Variants in ABHD12B observed in about 807,000 individuals in gnomAD.
ABHD12B encodes the protein protein ABHD12B.
ABHD12B carries 42 observed loss-of-function variants against 50.4 expected under a neutral mutation model. The observed-to-expected ratio is 0.83, with a 90% CI of 0.65 to 1.08. ABHD12B has a LOEUF of 1.08. ABHD12B is among the 50% of genes least tolerant of loss of function. The pLI is 0.00. For synonymous variants in ABHD12B, 167 were observed against 160.3 expected (o/e 1.04, Z -0.32); for missense variants, 479 against 447.7 (o/e 1.07, Z -0.63).
intron 9 of ABHD12B, among the ~76,000 whole-genome samples, chr14:50,897,552 C>T (rs923970166): frequency 1.3e-5 from 2 of 152,098 alleles, no homozygotes; most frequent in African/African-American, 4.8e-5. Flanking sequence ...CTCAACAGGA[C>T]ATAAATAGGA....
intron 8 of ABHD12B, 62 bp downstream of exon 8, chr14:50,886,746 A>C: frequency 1.4e-6 from 2 of 1,464,304 alleles, no homozygotes; most frequent in Non-Finnish European, 1.9e-6. Context: ...AAAAACAGTC[A>C]AGAGACTATT....
At chr14:50,885,580 T>C in intron 5 of ABHD12B, 34 bp from the exon 6 acceptor site, 1 of 1,613,682 alleles carries the variant, frequency 6.2e-7, no homozygotes, top group Non-Finnish European at 8.5e-7. Context: ...TTTCATCTTC[T>C]AATTAAAGTG....
At chr14:50,874,926 C>G (rs2049840583) in intron 1 of ABHD12B, among the ~76,000 whole-genome samples, 3 of 152,252 alleles carry the variant, frequency 2.0e-5, no homozygotes, top group African/African-American at 2.4e-5. Context: ...TTCCTCTTTC[C>G]TCTGAAGCTA....
chr14:50,873,011 T>A (rs1211685481), intron 1 of ABHD12B, among the ~76,000 whole-genome samples: 3 of 152,202 alleles, frequency 2.0e-5, no homozygotes, highest in Non-Finnish European at 4.4e-5. Context: ...CAGGTATTGG[T>A]TGGAGATCGT....
chr14:50,873,922 G>A (rs1482093027), intron 1 of ABHD12B, among the ~76,000 whole-genome samples: 2 of 152,196 alleles, frequency 1.3e-5, no homozygotes, highest in African/African-American at 4.8e-5. Context: ...AGTCTCAAGA[G>A]ACACTTCCTG....
Position 50,904,662 on chromosome 14 carries a change from A to C in ABHD12B, c.*296A>C. On this transcript the variant is annotated 3_prime_UTR_variant, in exon 13 of 13. Coordinates refer to ENST00000337334, the MANE Select transcript of ABHD12B (RefSeq NM_001206673.2). ...TATGTAGTTATTAAACATTCTGTGG[A>C]TATTTGTGAATAAGGTAGTTGCTAT... The C allele has an allele frequency of 2.1e-6, 1 of 482,286 alleles. No individual in the cohort carries two copies. The highest frequency in any genetic ancestry group is 2.5e-5 in the South Asian group (1 of 40,038). 29.9% of individuals were successfully genotyped at this position (482,286 alleles called of 1,614,324 possible).
intron 6 of ABHD12B, 46 bp downstream of exon 6, chr14:50,885,705 GC>G (rs748385778): frequency 1.9e-5 from 30 of 1,614,002 alleles, no homozygotes; most frequent in Non-Finnish European, 2.5e-5. Context: ...TAACCAGGGG[GC>G]CTCTGATGAC....
intron 9 of ABHD12B, among the ~76,000 whole-genome samples, chr14:50,897,852 G>A (rs1290344534): frequency 6.6e-6 from 1 of 152,198 alleles, no homozygotes; most frequent in Non-Finnish European, 1.5e-5. Flanking sequence ...GTAAGCACTA[G>A]ACAAATACTT....
chr14:50,904,320 C>G lies in ABHD12B; in HGVS notation c.1062-19C>G, dbSNP rs538342140. Reference sequence around the variant, plus strand: ...AGGTAGGGAAAGGGTGTGAGCTGATCTGGGTCCTTTTTCTACAGAGATTTC... The same window carrying G: ...AGGTAGGGAAAGGGTGTGAGCTGATGTGGGTCCTTTTTCTACAGAGATTTC... On this transcript the variant is annotated intron_variant, in intron 12 of 12. Coordinates refer to ENST00000337334, the MANE Select transcript of ABHD12B (RefSeq NM_001206673.2). 3 of 1,613,484 alleles carry G rather than the reference C, an allele frequency of 1.9e-6. No homozygotes were observed. Among genetic ancestry groups the G allele is most frequent in the Non-Finnish European group, 2.5e-6 (3 of 1,179,768 alleles).
intron 9 of ABHD12B, among the ~76,000 whole-genome samples, chr14:50,898,647 C>T (rs944225017): frequency 2.0e-4 from 30 of 152,224 alleles, no homozygotes; most frequent in African/African-American, 7.0e-4. Flanking sequence ...TCTTCCTACT[C>T]TTTCAGAATT....
At chr14:50,890,619 A>C (rs2050104443) in intron 9 of ABHD12B, among the ~76,000 whole-genome samples, 1 of 152,150 alleles carries the variant, frequency 6.6e-6, no homozygotes, top group African/African-American at 2.4e-5. Context: ...GATTGTATTC[A>C]TGATGTGCAT....
intron 9 of ABHD12B, chr14:50,895,705 T>C (rs1295837354): frequency 1.3e-5 from 2 of 152,156 alleles, no homozygotes; most frequent in Non-Finnish European, 2.9e-5. Flanking sequence ...GAGCTTCCGG[T>C]AACTCTCACA....
At chr14:50,889,994 C>T (rs558308653) in intron 9 of ABHD12B, among the ~76,000 whole-genome samples, 2 of 152,256 alleles carry the variant, frequency 1.3e-5, no homozygotes, top group South Asian at 4.2e-4. Context: ...TTCACATAAT[C>T]ACATACTCTT....
At chr14:50,879,224 T>C (rs1198641222) in intron 3 of ABHD12B, among the ~76,000 whole-genome samples, 1 of 152,226 alleles carries the variant, frequency 6.6e-6, no homozygotes. Context: ...ACTCATCTAT[T>C]GGATCTTACT....
intron 1 of ABHD12B, 93 bp downstream of exon 1, chr14:50,872,371 T>A: frequency 1.1e-6 from 1 of 902,698 alleles, no homozygotes; most frequent in Non-Finnish European, 1.4e-6. Context: ...GAGGCCGCAA[T>A]CCCCTCTGCT....
Position 50,880,568 on chromosome 14 carries a change from A to T in ABHD12B, c.452A>T (p.His151Leu), listed in dbSNP as rs1348856003. Residue 151 changes from histidine (H) to leucine (L), a missense_variant, in exon 4 of 13, where the codon CAC becomes CTC. Physicochemically the swap from His to Leu is moderately conservative, Grantham distance 99. Coordinates refer to ENST00000337334, the MANE Select transcript of ABHD12B (RefSeq NM_001206673.2). ...IIVYLHGSAE[H>L]RAASHRLKLV... ...GTTTATCTTCATGGCAGTGCAGAAC[A>T]CAGGTCAGTGGCTCTGCTTACATAT... 1 of 1,586,286 alleles carries T rather than the reference A, an allele frequency of 6.3e-7. No homozygotes were observed.
intron 9 of ABHD12B, among the ~76,000 whole-genome samples, chr14:50,896,108 TGC>T (rs1447803774): frequency 3.3e-5 from 5 of 152,106 alleles, no homozygotes; most frequent in Admixed American, 3.3e-4. Flanking sequence ...TGACCGATCA[TGC>T]ACCCCTTACC....
At chr14:50,885,932 C>CTTGAGGCTT in intron 7 of ABHD12B, 37 bp downstream of exon 7, 1 of 1,611,528 alleles carries the variant, frequency 6.2e-7, no homozygotes, top group Non-Finnish European at 8.5e-7. Flanking sequence ...TAGGCAGGTC[C>CTTGAGGCTT]TTGAGGCTTT....
chr14:50,885,660 G>T lies in ABHD12B; in HGVS notation c.532+1G>T. On this transcript the variant is annotated splice_donor_variant, in intron 6 of 12. Coordinates refer to ENST00000337334, the MANE Select transcript of ABHD12B (RefSeq NM_001206673.2). LOFTEE classifies it high-confidence loss of function. ...CATGTCTTGTCTGTTGACTACAGAG[G>T]TATGTGTTAAGAACGGTGTACAAAG... The T allele has an allele frequency of 6.2e-7, 1 of 1,614,174 alleles. No homozygotes were observed. Among genetic ancestry groups the T allele is most frequent in the Non-Finnish European group, 8.5e-7 (1 of 1,180,026 alleles).
Sources: allele counts gnomAD v4.1 joint callset (sites outside exome capture counted in the v4.1 genomes callset), GRCh38; gene constraint gnomAD v4.1.1; transcripts MANE v1.5; gene names NCBI Gene and HGNC (gene_info 2026-07-23, HGNC 2026-07-21).